The following DYM variants were observed in gnomAD, a reference collection of about 807,000 sequenced individuals.
DYM encodes dymeclin.
Under a neutral mutation model 93.1 loss-of-function variants are expected in DYM, and 78 were observed. The observed-to-expected ratio is 0.84, with a 90% confidence interval of 0.70 to 1.01. The LOEUF is 1.01. Ranked by LOEUF, DYM falls within the 50% of genes least tolerant of loss-of-function variation. The pLI, the probability that DYM is intolerant of heterozygous loss-of-function variation, is 0.00. For missense variants in DYM, 789 were observed against 845.0 expected, an observed-to-expected ratio of 0.93 and a Z score of 0.82; for synonymous variants, 321 against 319.7, an observed-to-expected ratio of 1.00 and a Z score of -0.04.
chr18:49,434,865 A>T lies in DYM; in HGVS notation c.-53-4418T>A, dbSNP rs1428978376. On this transcript the variant is annotated intron_variant, in intron 1 of 17. Coordinates refer to ENST00000675505, the MANE Select transcript of DYM (RefSeq NM_001353214.3). ...GAGATTTCAACAACAACAACAAAAA[A>T]AGCACAACCCATAAAAGAAAAAAAT... 7.9e-5 allele frequency among the ~76,000 whole-genome samples: 12 copies of T among 151,994 alleles called. 1 individual carries two copies. Among genetic ancestry groups the T allele is most frequent in the Admixed American group, 7.9e-4 (12 of 15,242 alleles).
At chr18:49,150,245 T>G (rs149605026) in intron 15 of DYM, among the ~76,000 whole-genome samples, 135 of 152,356 alleles carry the variant, frequency 8.9e-4, no homozygotes, top group African/African-American at 2.8e-3. Flanking sequence ...ATCTGATTAT[T>G]AAAGGCTCAG....
intron 1 of DYM, among the ~76,000 whole-genome samples, chr18:49,436,620 AG>A (rs1405218971): frequency 6.6e-6 from 1 of 152,182 alleles, no homozygotes; most frequent in African/African-American, 2.4e-5. Context: ...GCTATTTATC[AG>A]GGGACTCATG....
In DYM at chr18:49,333,822, T is replaced by A. The variant is rs35435872; in HGVS notation, c.526A>T (p.Ile176Leu). The A allele has an allele frequency of 6.2e-7, 1 of 1,612,592 alleles. No individual in the cohort carries two copies. The highest frequency in any genetic ancestry group is 2.2e-5 in the East Asian group (1 of 44,842). Reference protein sequence around the residue: ...DITYEISVEAISTMVVFLSCQ... With the variant: ...DITYEISVEALSTMVVFLSCQ... ...GAAAGGAAAACAACCATTGTTGATA[T>A]AGCTTCTACTGATATTTCATATGTA... The change falls in exon 7 of 18, where the codon ATA (isoleucine) becomes TTA (leucine). Residue 176 changes from isoleucine (I) to leucine (L), a missense_variant. This residue lies in a region of DYM where 450 missense variants were observed against 436.2 expected (regional missense o/e 1.03). Transcript: ENST00000675505.
At chr18:49,104,734 C>T (rs1168108243) in intron 16 of DYM, among the ~76,000 whole-genome samples, 1 of 152,180 alleles carries the variant, frequency 6.6e-6, no homozygotes, top group African/African-American at 2.4e-5. Flanking sequence ...GTATGTTGAA[C>T]CAGCCTTGCA....
At chr18:49,258,989 A>C (rs2094448069) in intron 11 of DYM, among the ~76,000 whole-genome samples, 1 of 151,268 alleles carries the variant, frequency 6.6e-6, no homozygotes, top group South Asian at 2.1e-4. Context: ...AACAAAAAAA[A>C]AAACAAACCA....
chr18:49,397,079 TAAC>T (rs1290429667), intron 2 of DYM, among the ~76,000 whole-genome samples: 1 of 152,216 alleles, frequency 6.6e-6, no homozygotes, highest in Non-Finnish European at 1.5e-5. Flanking sequence ...CACAAAGAAA[TAAC>T]AAGTGTTTGA....
intron 17 of DYM, among the ~76,000 whole-genome samples, chr18:49,044,540 G>T (rs12965679): frequency 0.074 from 11,232 of 152,318 alleles, 450 homozygotes; most frequent in Middle Eastern, 0.16. Context: ...GGCAGACAAG[G>T]CTCAGGCTGA....
chr18:49,336,014 A>G (rs2063641826), intron 6 of DYM, among the ~76,000 whole-genome samples: 2 of 152,140 alleles, frequency 1.3e-5, no homozygotes, highest in South Asian at 4.1e-4. Context: ...GGGTTTTACC[A>G]TGTTGCCCAG....
chr18:49,445,962 T>A (rs980687747), intron 1 of DYM, among the ~76,000 whole-genome samples: 1 of 152,146 alleles, frequency 6.6e-6, no homozygotes, highest in Non-Finnish European at 1.5e-5. Context: ...AGAATTCTTA[T>A]ATACCTATAC....
Position 49,282,160 on chromosome 18 carries a change from G to A in DYM, c.962C>T (p.Pro321Leu). The A allele has an allele frequency of 6.2e-7, 1 of 1,613,836 alleles. No homozygotes were observed. Among genetic ancestry groups the A allele is most frequent in the Non-Finnish European group, 8.5e-7 (1 of 1,179,828 alleles). Residue 321 changes from proline (P) to leucine (L), a missense_variant, in exon 10 of 18, where the codon CCC becomes CTC. Pro to Leu is a moderately conservative substitution (Grantham distance 98, BLOSUM62 -3). Transcript: ENST00000675505. ...CTGGAAGGCATGTGGAATTGATGAG[G>A]GGAAAGGACTGCTATCTGGAATACA... is the stretch of plus-strand genomic sequence containing the variant. ...FKNTQDSSPF[P>L]SSIPHAFQIN...
At chr18:49,146,576 G>A (rs989588312) in intron 15 of DYM, among the ~76,000 whole-genome samples, 2 of 152,232 alleles carry the variant, frequency 1.3e-5, no homozygotes, top group Admixed American at 1.3e-4. Context: ...GCCAAATCAT[G>A]AGTGAACTCC....
chr18:49,153,799 T>C (rs1429046622), intron 15 of DYM, among the ~76,000 whole-genome samples: 2 of 152,206 alleles, frequency 1.3e-5, no homozygotes, highest in African/African-American at 2.4e-5. Flanking sequence ...CAGTGATATA[T>C]GCTGCAGGCA....
chr18:49,078,153 C>A (rs186384109), intron 17 of DYM, among the ~76,000 whole-genome samples: 1 of 152,224 alleles, frequency 6.6e-6, no homozygotes, highest in Admixed American at 6.5e-5. Context: ...ACACTCTTAA[C>A]TTTTCTCAGT....
chr18:49,068,612 A>G (rs868477196), intron 17 of DYM, among the ~76,000 whole-genome samples: 1 of 152,222 alleles, frequency 6.6e-6, no homozygotes, highest in African/African-American at 2.4e-5. Flanking sequence ...AACAACTCCA[A>G]AAATGAACTG....
At chr18:49,390,703 C>A (rs2069143254) in intron 3 of DYM, 1 of 152,160 alleles carries the variant, frequency 6.6e-6, no homozygotes, top group South Asian at 2.1e-4. Flanking sequence ...GACGGGGTTT[C>A]ACCATCTTGG....
chr18:49,122,693 C>T (rs773777576), intron 15 of DYM, among the ~76,000 whole-genome samples: 4 of 152,176 alleles, frequency 2.6e-5, no homozygotes, highest in African/African-American at 4.8e-5. Context: ...AAACCACCAA[C>T]CAGTCCATGG....
intron 1 of DYM, among the ~76,000 whole-genome samples, chr18:49,458,078 G>C (rs2083155961): frequency 6.6e-6 from 1 of 152,164 alleles, no homozygotes; most frequent in Non-Finnish European, 1.5e-5. Context: ...ATTGTTTTAA[G>C]CCACTAAATT....
At chr18:49,294,149 G>T (rs1568192406) in intron 8 of DYM, among the ~76,000 whole-genome samples, 1 of 152,096 alleles carries the variant, frequency 6.6e-6, no homozygotes, top group African/African-American at 2.4e-5. Context: ...TATTTCTGAG[G>T]CCTCTGTTCT....
At chr18:49,300,505 CAGG>C (rs1216973173) in intron 8 of DYM, among the ~76,000 whole-genome samples, 13 of 151,708 alleles carry the variant, frequency 8.6e-5, no homozygotes, top group Non-Finnish European at 5.9e-5. Context: ...GAGGCTGACA[CAGG>C]AGAACTGCTT....
Sources: gnomAD v4.1 joint callset for allele counts (sites outside exome capture counted in the v4.1 genomes callset) on GRCh38, gnomAD v4.1.1 for gene constraint, gnomAD v4.1.1 regional missense constraint, MANE v1.5 for transcripts, NCBI Gene and HGNC (gene_info 2026-07-23, HGNC 2026-07-21) for gene names.